Variants in TP63 observed in about 807,000 individuals in gnomAD.
TP63 encodes tumor protein 63.
In TP63, 17 loss-of-function variants were observed where a neutral mutation model predicts 82.8. That is an observed-to-expected ratio of 0.21 (90% CI 0.14 to 0.31). The LOEUF (loss-of-function observed/expected upper bound fraction) is 0.31, where lower values mean the gene tolerates loss of function less well. Ranked by LOEUF, TP63 falls within the 10% of genes least tolerant of loss-of-function variation. The pLI, the probability that TP63 is intolerant of heterozygous loss-of-function variation, is 1.00. For synonymous variants in TP63, 330 were observed against 321.7 expected, an observed-to-expected ratio of 1.03 and a Z score of -0.28; for missense variants, 648 against 895.3, an observed-to-expected ratio of 0.72 and a Z score of 3.52.
At chr3:189,735,665 G>C (rs1285997336) in intron 1 of TP63, among the ~76,000 whole-genome samples, 1 of 152,056 alleles carries the variant, frequency 6.6e-6, no homozygotes, top group African/African-American at 2.4e-5. Context: ...ACTGATGCAG[G>C]AACATTCTAA....
the TP63 span, among the ~76,000 whole-genome samples, chr3:189,610,150 G>A: frequency 6.1e-4 from 93 of 152,122 alleles, no homozygotes; most frequent in African/African-American, 2.1e-3. Context: ...TTTTTCAAAT[G>A]CTTGTTGACT....
At chr3:189,738,510 A>G (rs1414540993) in intron 2 of TP63, 132 bp from the exon 3 acceptor site, 2 of 1,334,326 alleles carry the variant, frequency 1.5e-6, no homozygotes, top group African/African-American at 2.9e-5. Flanking sequence ...ACTCAAACCT[A>G]GAGTTTCTAA....
upstream of TP63, among the ~76,000 whole-genome samples, chr3:189,629,467 A>G (rs543757128): frequency 2.0e-5 from 3 of 152,300 alleles, no homozygotes; most frequent in South Asian, 6.2e-4. Context: ...GATGTTTGCA[A>G]ATTGATTATT....
chr3:189,865,006 C>G (rs973920191), intron 5 of TP63, among the ~76,000 whole-genome samples: 13 of 144,718 alleles, frequency 9.0e-5, no homozygotes, highest in Non-Finnish European at 1.5e-4. Flanking sequence ...GACTCCATCT[C>G]AAAAATAAAA....
the TP63 span, among the ~76,000 whole-genome samples, chr3:189,599,493 A>G: frequency 2.0e-5 from 3 of 152,338 alleles, no homozygotes; most frequent in Admixed American, 6.5e-5. Context: ...TCAATAAAAT[A>G]ATGAATTAAT....
At chr3:189,673,241 G>A (rs1456541773) in intron 1 of TP63, among the ~76,000 whole-genome samples, 1 of 152,038 alleles carries the variant, frequency 6.6e-6, no homozygotes, top group Non-Finnish European at 1.5e-5. Flanking sequence ...TAGGAAAGAA[G>A]GGAATCTTCC....
rs1355913795 is a variant in TP63, at chr3:189,758,939, G to A, written c.324+20165G>A. Among the ~76,000 whole-genome samples, 9 of 152,192 alleles carry A rather than the reference G, an allele frequency of 5.9e-5. No homozygotes were observed. The South Asian group carries it at 1.2e-3, about 21-fold the overall frequency. Reference sequence around the variant, plus strand: ...CTCTTTTGTCTGTTCAGGTTTCAGAGAACTCACAAGAAAACTTTATTTTAC... The same window carrying A: ...CTCTTTTGTCTGTTCAGGTTTCAGAAAACTCACAAGAAAACTTTATTTTAC... On this transcript the variant is annotated intron_variant, in intron 3 of 13. Transcript: ENST00000264731.
chr3:189,599,065 C>G, the TP63 span, among the ~76,000 whole-genome samples: 2,048 of 152,298 alleles, frequency 0.013, 24 homozygotes, highest in East Asian at 0.045. Flanking sequence ...CCTTCCTCTT[C>G]TCAGACCTTT....
At chr3:189,650,446 G>T (rs1310093399) in intron 1 of TP63, among the ~76,000 whole-genome samples, 1 of 146,718 alleles carries the variant, frequency 6.8e-6, no homozygotes, top group Non-Finnish European at 1.5e-5. Context: ...CATCTGTTAT[G>T]AGATGAACCA....
At chr3:189,694,130 A>G (rs1229366127) in intron 1 of TP63, among the ~76,000 whole-genome samples, 1 of 152,186 alleles carries the variant, frequency 6.6e-6, no homozygotes, top group Non-Finnish European at 1.5e-5. Flanking sequence ...ACCCAATAGT[A>G]TATCCTTCAC....
intron 1 of TP63, among the ~76,000 whole-genome samples, chr3:189,681,253 C>T (rs1715876628): frequency 6.6e-6 from 1 of 152,044 alleles, no homozygotes; most frequent in Non-Finnish European, 1.5e-5. Context: ...GTTTTCTCAG[C>T]TCCTGGTAAT....
the TP63 span, among the ~76,000 whole-genome samples, chr3:189,611,918 G>T: frequency 3.5e-4 from 53 of 151,994 alleles, no homozygotes; most frequent in Middle Eastern, 0.014. Context: ...TTCTGATCTG[G>T]CTCTTGGTTT....
intron 10 of TP63, among the ~76,000 whole-genome samples, chr3:189,873,741 A>G (rs1324964659): frequency 6.6e-6 from 1 of 152,232 alleles, no homozygotes; most frequent in Non-Finnish European, 1.5e-5. Context: ...CTCTTATGAA[A>G]GGATGAGAGG....
chr3:189,718,062 A>G (rs996940986), intron 1 of TP63, among the ~76,000 whole-genome samples: 4 of 152,170 alleles, frequency 2.6e-5, no homozygotes, highest in Non-Finnish European at 5.9e-5. Flanking sequence ...ACAAATGCCA[A>G]TCTTTACAGA....
At chr3:189,862,738 A>T (rs1717195699) in intron 4 of TP63, among the ~76,000 whole-genome samples, 1 of 152,210 alleles carries the variant, frequency 6.6e-6, no homozygotes, top group South Asian at 2.1e-4. Flanking sequence ...GTAAGTCTTT[A>T]GTTAAAAGCA....
chr3:189,820,839 TG>T (rs1209716488), intron 4 of TP63, among the ~76,000 whole-genome samples: 1 of 152,254 alleles, frequency 6.6e-6, no homozygotes, highest in Non-Finnish European at 1.5e-5. Context: ...TGGGTATTTT[TG>T]CTTCCAAATA....
intron 3 of TP63, among the ~76,000 whole-genome samples, chr3:189,743,933 T>G (rs1721183359): frequency 6.6e-6 from 1 of 152,064 alleles, no homozygotes; most frequent in African/African-American, 2.4e-5. Context: ...GAGACTAACA[T>G]AAGGAGCTGA....
intron 3 of TP63, among the ~76,000 whole-genome samples, chr3:189,800,683 T>C (rs1426946803): frequency 1.3e-5 from 2 of 152,010 alleles, no homozygotes; most frequent in Non-Finnish European, 2.9e-5. Context: ...TTACTTAACC[T>C]TGTGGAGCTT....
At chr3:189,881,051 A>G in intron 10 of TP63, 1 of 985,284 alleles carries the variant, frequency 1.0e-6, no homozygotes, top group Admixed American at 6.2e-5. Flanking sequence ...TCAAAGCTCA[A>G]AATAGAATTT....
Sources: gnomAD v4.1 joint callset for allele counts (sites outside exome capture counted in the v4.1 genomes callset) on GRCh38, gnomAD v4.1.1 for gene constraint, MANE v1.5 for transcripts, NCBI Gene and HGNC (gene_info 2026-07-23, HGNC 2026-07-21) for gene names.